Variants in IGSF11 observed in about 807,000 individuals in gnomAD.
IGSF11 encodes the protein CXADR like 1.
IGSF11 carries 22 observed loss-of-function variants against 41.0 expected under a neutral mutation model. That is an observed-to-expected ratio of 0.54 (90% CI 0.38 to 0.77). The LOEUF (loss-of-function observed/expected upper bound fraction) is 0.77. Among genes scored for constraint, IGSF11 ranks in the 30% least tolerant of loss-of-function variants. IGSF11 has a pLI of 0.00. For missense variants in IGSF11, 444 were observed against 530.8 expected (o/e 0.84, Z 1.61); for synonymous variants, 219 against 201.3 (o/e 1.09, Z -0.74).
At chr3:119,000,381 C>T (rs3854121) in intron 1 of IGSF11, among the ~76,000 whole-genome samples, 57,412 of 146,080 alleles carry the variant, frequency 0.39, 13,806 homozygotes, top group African/African-American at 0.69. Flanking sequence ...AATTGACACC[C>T]TTCTGGGAAA....
chr3:119,045,320 T>A (rs1941287307), intron 1 of IGSF11, among the ~76,000 whole-genome samples: 1 of 152,214 alleles, frequency 6.6e-6, no homozygotes, highest in Non-Finnish European at 1.5e-5. Context: ...GGCGAGGCAT[T>A]GCCTCACTTG....
At chr3:119,044,430 C>A (rs1467782820) in intron 1 of IGSF11, among the ~76,000 whole-genome samples, 1 of 151,856 alleles carries the variant, frequency 6.6e-6, no homozygotes, top group Non-Finnish European at 1.5e-5. Flanking sequence ...AATGACCAAA[C>A]ATAAGAATAA....
At chr3:119,017,477 C>T (rs1938833888) in intron 1 of IGSF11, among the ~76,000 whole-genome samples, 2 of 152,132 alleles carry the variant, frequency 1.3e-5, no homozygotes, top group Non-Finnish European at 2.9e-5. Context: ...TATGTGTGGT[C>T]CATTGTTAAC....
At chr3:119,051,679 CTATT>C (rs1402252240) in intron 1 of IGSF11, among the ~76,000 whole-genome samples, 1 of 152,156 alleles carries the variant, frequency 6.6e-6, no homozygotes, top group African/African-American at 2.4e-5. Context: ...AATATACATT[CTATT>C]TATCAGCACA....
chr3:118,994,241 T>C (rs1272471624), intron 1 of IGSF11, among the ~76,000 whole-genome samples: 1 of 152,230 alleles, frequency 6.6e-6, no homozygotes, highest in Non-Finnish European at 1.5e-5. Context: ...CTAAACATTA[T>C]GAATTCCTAA....
chr3:119,070,920 A>T (rs1340257893), intron 1 of IGSF11, among the ~76,000 whole-genome samples: 6 of 152,228 alleles, frequency 3.9e-5, no homozygotes. Flanking sequence ...ATACAGAATC[A>T]CAGAGATTAT....
upstream of IGSF11, among the ~76,000 whole-genome samples, chr3:119,039,221 T>C (rs1438989263): frequency 6.6e-6 from 1 of 152,194 alleles, no homozygotes; most frequent in African/African-American, 2.4e-5. Context: ...GTTCTTGAGG[T>C]CAGAAGTCTA....
intron 1 of IGSF11, among the ~76,000 whole-genome samples, chr3:118,971,799 T>C (rs1362201116): frequency 1.5e-5 from 2 of 129,620 alleles, no homozygotes; most frequent in African/African-American, 6.4e-5. Context: ...GGAGACTCCG[T>C]CTCAAAAAAA....
chr3:119,039,327 C>T (rs1483055555), upstream of IGSF11, among the ~76,000 whole-genome samples: 2 of 148,676 alleles, frequency 1.3e-5, no homozygotes, highest in Non-Finnish European at 3.0e-5. Flanking sequence ...TTTTCAGATT[C>T]TAGAGCCCAC....
At chr3:119,013,314 G>A (rs75953193) in intron 1 of IGSF11, 129 of 152,290 alleles carry the variant, frequency 8.5e-4, no homozygotes, top group African/African-American at 3.0e-3. Flanking sequence ...GAATAAAAGT[G>A]GTTCTATCAA....
intron 1 of IGSF11, among the ~76,000 whole-genome samples, chr3:119,133,853 C>T (rs911998714): frequency 5.3e-5 from 8 of 152,184 alleles, no homozygotes; most frequent in Admixed American, 2.0e-4. Flanking sequence ...TCCAGCAGCA[C>T]ATCAAAAAGT....
intron 1 of IGSF11, among the ~76,000 whole-genome samples, chr3:118,975,363 T>TTA (rs765744961): frequency 1.4e-5 from 2 of 140,694 alleles, no homozygotes; most frequent in Non-Finnish European, 3.1e-5. Context: ...CTGCTGGATT[T>TTA]AAAAAAAAAA....
chr3:118,970,897 G>A (rs1179429029), intron 1 of IGSF11, among the ~76,000 whole-genome samples: 1 of 151,858 alleles, frequency 6.6e-6, no homozygotes, highest in Non-Finnish European at 1.5e-5. Flanking sequence ...AAAAAAAAAT[G>A]TTTAGCTAAA....
rs1295350070 is a variant in IGSF11, at chr3:118,933,469, T to TA, written c.53-3195_53-3194insT. Among the ~76,000 whole-genome samples the TA allele has an allele frequency of 4.8e-3, 579 of 121,776 alleles. 6 individuals carry two copies. Among genetic ancestry groups the TA allele is most frequent in the African/African-American group, 0.011 (256 of 22,428 alleles). 79.9% of individuals were successfully genotyped at this position (121,776 alleles called of 152,430 possible). Reference sequence around the variant, plus strand: ...CTCTCTCTACATATAACATGTATTTTTTATATATATATATATATATACACA... The same window carrying TA: ...CTCTCTCTACATATAACATGTATTTTATTATATATATATATATATATACACA... On this transcript the variant is annotated intron_variant, in intron 1 of 6. Coordinates refer to ENST00000393775, the MANE Select transcript of IGSF11 (RefSeq NM_001015887.3).
chr3:118,902,419 T>C lies in IGSF11; in HGVS notation c.*101A>G, dbSNP rs1301374088. Reference sequence around the variant, plus strand: ...TTCTTTGTGCATTTTACTAATATAATTATAAGGAAGTGTTTCTTTCCCAGC... The same window carrying C: ...TTCTTTGTGCATTTTACTAATATAACTATAAGGAAGTGTTTCTTTCCCAGC... On this transcript the variant is annotated 3_prime_UTR_variant, in exon 7 of 7. Transcript: ENST00000393775. 7.9e-6 allele frequency: 7 copies of C among 880,748 alleles called. No individual in the cohort carries two copies. The South Asian group carries it at 8.1e-5, about 10-fold the overall frequency. 54.6% of individuals were successfully genotyped at this position (880,748 alleles called of 1,614,324 possible).
At chr3:119,083,732 C>G (rs2076624362) in intron 1 of IGSF11, among the ~76,000 whole-genome samples, 1 of 152,174 alleles carries the variant, frequency 6.6e-6, no homozygotes, top group South Asian at 2.1e-4. Context: ...CTCTGCTAGT[C>G]ATATAAAAGT....
At chr3:119,142,601 A>G (rs889625934) in intron 1 of IGSF11, among the ~76,000 whole-genome samples, 6 of 152,188 alleles carry the variant, frequency 3.9e-5, no homozygotes, top group Admixed American at 2.0e-4. Flanking sequence ...TCAGAGACCT[A>G]TAAGACACCC....
chr3:118,996,585 A>G (rs1469479395), intron 1 of IGSF11, among the ~76,000 whole-genome samples: 1 of 151,668 alleles, frequency 6.6e-6, no homozygotes. Context: ...GACAAAGAAC[A>G]TGTCTTGTTT....
chr3:119,081,175 A>G (rs2107480994), intron 1 of IGSF11, among the ~76,000 whole-genome samples: 1 of 151,876 alleles, frequency 6.6e-6, no homozygotes, highest in Middle Eastern at 3.4e-3. Context: ...TCTCCTTCTT[A>G]CTTTTCATCC....
Sources: gnomAD v4.1 joint callset for allele counts (sites outside exome capture counted in the v4.1 genomes callset) on GRCh38, gnomAD v4.1.1 for gene constraint, MANE v1.5 for transcripts, NCBI Gene and HGNC (gene_info 2026-07-23, HGNC 2026-07-21) for gene names.